Variants in DMPK observed in about 807,000 individuals in gnomAD.
DMPK encodes myotonin-protein kinase.
In DMPK, 32 loss-of-function variants were observed where a neutral mutation model predicts 70.3. The ratio of observed to expected loss-of-function variants is 0.46; its 90% CI spans 0.34 to 0.61. The LOEUF is 0.61. DMPK is among the 20% of genes least tolerant of loss of function. The pLI is 0.01. For synonymous variants in DMPK, 469 were observed against 390.9 expected (o/e 1.20, Z -2.36); for missense variants, 899 against 886.0 (o/e 1.01, Z -0.19).
At position 45,777,917 on chromosome 19, in the gene DMPK, G is replaced by A. The variant is rs1192135016; in HGVS notation, c.676-44C>T. ...AGCGAGGCTTGGGCCCACCCCTCTGGGCCCACCAGCTCTGGGCCCTCCTTC... is the reference window on the plus strand; with the variant it reads ...AGCGAGGCTTGGGCCCACCCCTCTGAGCCCACCAGCTCTGGGCCCTCCTTC... On this transcript the variant is annotated intron_variant, in intron 6 of 14. Coordinates refer to ENST00000291270, the MANE Select transcript of DMPK (RefSeq NM_004409.5). This position sits in a 1 kb window ranked among gnomAD's most constrained non-coding sequence, Gnocchi z 6.7. 1.3e-6 allele frequency: 2 copies of A among 1,555,842 alleles called. No homozygotes were observed. The highest frequency in any genetic ancestry group is 2.7e-5 in the African/African-American group (2 of 73,818).
At chr19:45,779,216 AGCACGG>A in intron 4 of DMPK, 42 bp downstream of exon 4, 1 of 1,579,582 alleles carries the variant, frequency 6.3e-7, no homozygotes, top group Non-Finnish European at 8.7e-7. Context: ...GTCCAGTGAC[AGCACGG>A]GCTCTTGTCC....
At position 45,771,600 on chromosome 19, in the gene DMPK, C is replaced by T. The variant is rs145245565; in HGVS notation, c.1568G>A (p.Arg523Gln). ...TCCCTCTGCCTGCAGCAACTCCATC[C>T]GCTCCTGCAACTGCCGGACGTGTGC... Reference protein sequence around the residue: ...LEAHVRQLQERMELLQAEGAT... With the variant: ...LEAHVRQLQEQMELLQAEGAT... Residue 523 changes from arginine (R) to glutamine (Q), a missense_variant, in exon 12 of 15, where the codon CGG becomes CAG. Coordinates refer to ENST00000291270, the MANE Select transcript of DMPK (RefSeq NM_004409.5). 10 of 1,614,092 alleles carry T rather than the reference C, an allele frequency of 6.2e-6. No homozygotes were observed. The highest frequency in any genetic ancestry group is 2.7e-5 in the African/African-American group (2 of 75,048).
intron 8 of DMPK, among the ~76,000 whole-genome samples, chr19:45,776,453 A>G (rs966771005): frequency 2.0e-5 from 3 of 149,192 alleles, no homozygotes; most frequent in Non-Finnish European, 3.0e-5. Flanking sequence ...AGCCCAGCCT[A>G]TTTTTTAATT....
intron 1 of DMPK, among the ~76,000 whole-genome samples, chr19:45,781,658 ACAGG>A (rs1302039633): frequency 5.9e-5 from 9 of 152,164 alleles, no homozygotes; most frequent in African/African-American, 2.2e-4. Context: ...TGGTTCTCCC[ACAGG>A]GCCCGCGTGA....
chr19:45,777,339 C>T lies in DMPK; in HGVS notation c.1134G>A (p.Val378=). 6.3e-7 allele frequency: 1 copy of T among 1,581,938 alleles called. No individual in the cohort carries two copies. The highest frequency in any genetic ancestry group is 8.6e-7 in the Non-Finnish European group (1 of 1,161,556). Residue 378 remains valine (V), a synonymous_variant, in exon 8 of 15, where the codon GTG becomes GTA. Coordinates refer to ENST00000291270, the MANE Select transcript of DMPK (RefSeq NM_004409.5). The surrounding 1 kb of genome is among the most constrained non-coding windows in gnomAD (Gnocchi z 6.7). ...CACAGGTACCTACCCCGCCCCCGCT[C>T]ACCATGGCAGTGAGCCCGTCCTCCA... is the stretch of plus-strand genomic sequence containing the variant. ...DLVEDGLTAM[V]SGGGETLSDI... is the part of the protein sequence containing the mutation.
In DMPK at chr19:45,779,245, ACCCCGG is replaced by A; in HGVS notation, c.432+13_432+18del. The A allele has an allele frequency of 6.2e-7, 1 of 1,611,842 alleles. No homozygotes were observed. Among genetic ancestry groups the A allele is most frequent in the Non-Finnish European group, 8.5e-7 (1 of 1,178,784 alleles). ...CGGGCTCTTGTCCCTCTTCCTAGTC[ACCCCGG>A]CCCGGAGCTCACCAGGTAGTTCTCA... On this transcript the variant is annotated intron_variant, in intron 4 of 14. Transcript: ENST00000291270.
rs761649903 is a variant in DMPK at position 45,782,274 on chromosome 19, C to T, written c.79G>A (p.Asp27Asn). Reference sequence around the variant, plus strand: ...TCCTGGTGGACGCCCAGGAGAAGGTCGAGCAGGGGCTCCAGCCCCAGGAAG... The same window carrying T: ...TCCTGGTGGACGCCCAGGAGAAGGTTGAGCAGGGGCTCCAGCCCCAGGAAG... ...PGFLGLEPLL[D>N]LLLGVHQELG... Residue 27 changes from aspartate (D) to asparagine (N), a missense_variant, in exon 1 of 15, where the codon GAC (aspartate) becomes AAC (asparagine). Physicochemically the swap from Asp to Asn is conservative, Grantham distance 23 (BLOSUM62 1). This residue lies in a region of DMPK where 149 missense variants were observed against 142.5 expected (regional missense o/e 1.05). Transcript: ENST00000291270. The T allele has an allele frequency of 7.5e-6, 12 of 1,605,358 alleles. No individual in the cohort carries two copies. The highest frequency in any genetic ancestry group is 1.0e-5 in the Non-Finnish European group (12 of 1,176,808).
rs113515932 is a variant in DMPK at position 45,770,406 on chromosome 19, A to C, written c.*82T>G. 9,571 of 1,497,064 alleles carry C rather than the reference A, an allele frequency of 6.4e-3. 522 individuals carry two copies. The African/African-American group carries it at 0.11, about 18-fold the overall frequency. The allele number at this position is 1,497,064 out of a possible 1,614,324, so 92.7% of individuals were successfully genotyped here. ...ACGCTCGGAGCGGTTGTGAACTGGCAGGCGGTGGGCGCGGCTTCTGTGCCG... is the reference window on the plus strand; with the variant it reads ...ACGCTCGGAGCGGTTGTGAACTGGCCGGCGGTGGGCGCGGCTTCTGTGCCG... On this transcript the variant is annotated 3_prime_UTR_variant, in exon 15 of 15. Transcript: ENST00000291270.
In DMPK at chr19:45,779,336, C is replaced by T. The variant is rs1198981946; in HGVS notation, c.360G>A (p.Arg120=). 1.2e-6 allele frequency: 2 copies of T among 1,614,074 alleles called. No individual in the cohort carries two copies. Among genetic ancestry groups the T allele is most frequent in the Admixed American group, 3.3e-5 (2 of 60,020 alleles). ...GCCGGTCCCCATTCACCAACACGTC[C>T]CTCTCCTCACGGAAGCACGACACCT... ...RGEVSCFREE[R]DVLVNGDRRW... The change falls in exon 4 of 15, where the codon AGG becomes AGA. Residue 120 remains arginine (R), a synonymous_variant. Coordinates refer to ENST00000291270, the MANE Select transcript of DMPK (RefSeq NM_004409.5).
intron 1 of DMPK, chr19:45,780,337 G>A (rs1235545739): frequency 1.9e-6 from 3 of 1,543,586 alleles, no homozygotes; most frequent in South Asian, 2.3e-5. Flanking sequence ...AGATTCAGAT[G>A]CAGGTGGTTC....
chr19:45,770,471 G>A lies in DMPK; in HGVS notation c.*17C>T, dbSNP rs768809469. On this transcript the variant is annotated 3_prime_UTR_variant, in exon 15 of 15. Coordinates refer to ENST00000291270, the MANE Select transcript of DMPK (RefSeq NM_004409.5). ...AGTCTTCCAACGGGGCCCCGGAGTC[G>A]AAGACAGTTCTAGGGTTCAGGGAGC... 8 of 1,549,810 alleles carry A rather than the reference G, an allele frequency of 5.2e-6. No individual in the cohort carries two copies. The highest frequency in any genetic ancestry group is 7.0e-6 in the Non-Finnish European group (8 of 1,146,762).
intron 12 of DMPK, 52 bp from the exon 13 acceptor site, chr19:45,771,448 G>C (rs1969437129): frequency 6.2e-7 from 1 of 1,610,408 alleles, no homozygotes. Flanking sequence ...AAGGAGGGCG[G>C]TGGCGCGGCG....
At chr19:45,773,545 C>T (rs1969600174) in intron 9 of DMPK, among the ~76,000 whole-genome samples, 1 of 152,194 alleles carries the variant, frequency 6.6e-6, no homozygotes, top group Non-Finnish European at 1.5e-5. Context: ...TGTCAGTACA[C>T]GTGTGAGCCA....
Position 45,778,703 on chromosome 19 carries a change from G to A in DMPK, c.433-62C>T. On this transcript the variant is annotated intron_variant, in intron 4 of 14. Transcript: ENST00000291270. ...CTGAGGCCCTGATCCATCACGGATG[G>A]CTGGGACAACCCCTCCCAGAGACAC... The A allele has an allele frequency of 3.2e-6, 5 of 1,551,942 alleles. No homozygotes were observed. In the South Asian group the frequency reaches 3.5e-5, roughly 11 times the overall value.
At chr19:45,780,267 C>T (rs1970043506) in intron 1 of DMPK, 2 of 1,508,700 alleles carry the variant, frequency 1.3e-6, no homozygotes, top group African/African-American at 1.4e-5. Flanking sequence ...CCCACCCCCA[C>T]GTTCTCATGT....
intron 4 of DMPK, chr19:45,778,869 T>C (rs1969941567): frequency 1.9e-6 from 1 of 530,252 alleles, no homozygotes; most frequent in African/African-American, 2.2e-5. Context: ...GGGATGTCAC[T>C]GGGCAGATTC....
At position 45,770,624 on chromosome 19, in the gene DMPK, A is replaced by G. The variant is rs200760629; in HGVS notation, c.1754T>C (p.Leu585Pro). Residue 585 changes from leucine (L) to proline (P), a missense_variant, in exon 15 of 15, where the codon CTA becomes CCA. Transcript: ENST00000291270. ...LLPARVPRPG[L>P]SEALSLLLFA... ...CAGGAGCAGGGAAAGCGCCTCCGAT[A>G]GGCCAGGCCTAGGGACCTGCGGGGA... 1.1e-4 allele frequency: 166 copies of G among 1,552,498 alleles called. No homozygotes were observed. The African/African-American group carries it at 1.6e-3, about 15-fold the overall frequency.
chr19:45,771,169 C>G, intron 13 of DMPK, 109 bp from the exon 14 acceptor site: 1 of 1,180,608 alleles, frequency 8.5e-7, no homozygotes, highest in Middle Eastern at 2.0e-4. Context: ...TAGGGAGATC[C>G]CGGAGGGAAT....
Position 45,770,029 on chromosome 19 carries a change from C to G in DMPK, c.*459G>C, listed in dbSNP as rs1045178096. 2.0e-5 allele frequency: 8 copies of G among 407,414 alleles called. No individual in the cohort carries two copies. The East Asian group carries it at 4.2e-4, about 22-fold the overall frequency. 25.2% of individuals were successfully genotyped at this position (407,414 alleles called of 1,614,324 possible). ...AGGCAGAGATCGCGCCAGACGCTCCCCAGAGCAGGGCGTCATGCACAAGAA... is the reference window on the plus strand; with the variant it reads ...AGGCAGAGATCGCGCCAGACGCTCCGCAGAGCAGGGCGTCATGCACAAGAA... On this transcript the variant is annotated 3_prime_UTR_variant, in exon 15 of 15. Transcript: ENST00000291270.
Sources: gnomAD v4.1 joint callset for allele counts (sites outside exome capture counted in the v4.1 genomes callset) on GRCh38, gnomAD v4.1.1 for gene constraint, gnomAD v4.1.1 regional missense constraint, Gnocchi (gnomAD v3.1) non-coding constraint, MANE v1.5 for transcripts, NCBI Gene and HGNC (gene_info 2026-07-23, HGNC 2026-07-21) for gene names.